The following ERCC3 variants were observed in gnomAD, a reference collection of about 807,000 sequenced individuals.
ERCC3 encodes the protein general transcription and DNA repair factor IIH helicase/translocase subunit XPB.
Under a neutral mutation model 94.2 loss-of-function variants are expected in ERCC3, and 66 were observed. The observed-to-expected ratio is 0.70, with a 90% CI of 0.57 to 0.86. The LOEUF (loss-of-function observed/expected upper bound fraction) is 0.86, where lower values mean the gene tolerates loss of function less well. ERCC3 is among the 40% of genes least tolerant of loss of function. The probability of loss-of-function intolerance (pLI) is 0.00; values close to 1 mark genes in which losing one functional copy is unlikely to be tolerated. For missense variants in ERCC3, 829 were observed against 987.1 expected (o/e 0.84, Z 2.15); for synonymous variants, 349 against 369.1 (o/e 0.95, Z 0.63).
At position 127,267,343 on chromosome 2, in the gene ERCC3, G is replaced by A. The variant is rs374836910; in HGVS notation, c.1945+3993C>T. On this transcript the variant is annotated intron_variant, in intron 12 of 14. Transcript: ENST00000285398. ...TTGTTGAATTGAACCATTTATCATC[G>A]TGTAATGACCTTTTTGTCCTTTTTT... Among the ~76,000 whole-genome samples the A allele has an allele frequency of 5.3e-5, 8 of 151,868 alleles. No individual in the cohort carries two copies. In the East Asian group the frequency reaches 5.8e-4, roughly 11 times the overall value.
At chr2:127,276,199 G>A (rs1054556278) in intron 10 of ERCC3, among the ~76,000 whole-genome samples, 1 of 152,066 alleles carries the variant, frequency 6.6e-6, no homozygotes, top group African/African-American at 2.4e-5. Flanking sequence ...TGAAGAAACC[G>A]TCCAGCCCAA....
Position 127,259,091 on chromosome 2 carries a change from G to GT in ERCC3, c.2217+204dup, listed in dbSNP as rs540498116. Among the ~76,000 whole-genome samples the GT allele has an allele frequency of 5.7e-4, 87 of 152,300 alleles. No homozygotes were observed. In the Middle Eastern group the frequency reaches 0.014, roughly 24 times the overall value. On this transcript the variant is annotated intron_variant, in intron 14 of 14. Coordinates refer to ENST00000285398, the MANE Select transcript of ERCC3 (RefSeq NM_000122.2). This position sits in a 1 kb window ranked among gnomAD's most constrained non-coding sequence, Gnocchi z 4.9. ...AAGCAGGAGACCAGTCACAGCCACT[G>GT]TGAGCTCAGCTGTGTGCAACAGTAC...
At chr2:127,281,829 G>C (rs183762154) in intron 8 of ERCC3, among the ~76,000 whole-genome samples, 18 of 152,138 alleles carry the variant, frequency 1.2e-4, no homozygotes, top group Admixed American at 1.2e-3. Flanking sequence ...TCTAAGGAAA[G>C]ACTGTGCTGG....
At position 127,271,017 on chromosome 2, in the gene ERCC3, T is replaced by TG; in HGVS notation, c.1945+318_1945+319insC. ...CACTTACACTGGTGGCCCAGCTCTG[T>TG]TTTCTCCCTTCCATGTCTACCCCAT... On this transcript the variant is annotated intron_variant, in intron 12 of 14. Transcript: ENST00000285398. The surrounding 1 kb of genome is among the most constrained non-coding windows in gnomAD (Gnocchi z 5.0). 1.3e-5 allele frequency among the ~76,000 whole-genome samples: 2 copies of TG among 152,182 alleles called. 1 individual carries two copies. The highest frequency in any genetic ancestry group is 4.8e-5 in the African/African-American group (2 of 41,450).
intron 7 of ERCC3, among the ~76,000 whole-genome samples, 188 bp from the exon 8 acceptor site, chr2:127,287,205 C>T (rs1460599898): frequency 2.6e-5 from 4 of 152,220 alleles, no homozygotes; most frequent in Non-Finnish European, 5.9e-5. Context: ...GCCCACTTCA[C>T]ATACATATGT....
rs1684552336 is a variant in ERCC3, at chr2:127,271,572, T to C, written c.1828-119A>G. On this transcript the variant is annotated intron_variant, in intron 11 of 14. Coordinates refer to ENST00000285398, the MANE Select transcript of ERCC3 (RefSeq NM_000122.2). This position sits in a 1 kb window ranked among gnomAD's most constrained non-coding sequence, Gnocchi z 5.0. ...CATAATCACTCTTTTCTCCTCTTTA[T>C]ACCAGGGTCTATCTGATGCAGGCAG... 1 of 777,556 alleles carries C rather than the reference T, an allele frequency of 1.3e-6. No individual in the cohort carries two copies. Among genetic ancestry groups the C allele is most frequent in the Non-Finnish European group, 2.2e-6 (1 of 445,072 alleles). 48.2% of individuals were successfully genotyped at this position (777,556 alleles called of 1,614,324 possible).
At chr2:127,272,007 CTTTTTTTTTTT>C (rs59921131) in intron 11 of ERCC3, among the ~76,000 whole-genome samples, 1 of 63,032 alleles carries the variant, frequency 1.6e-5, no homozygotes, top group Non-Finnish European at 2.8e-5. Flanking sequence ...AATCTCATTT[CTTTTTTTTTTT>C]TTTTTTTTTT....
chr2:127,273,988 C>T (rs1275740562), intron 10 of ERCC3, among the ~76,000 whole-genome samples: 1 of 151,206 alleles, frequency 6.6e-6, no homozygotes, highest in Non-Finnish European at 1.5e-5. Flanking sequence ...GACCTACCAA[C>T]ACCAGGCATT....
At chr2:127,281,504 G>A (rs1055120384) in intron 8 of ERCC3, among the ~76,000 whole-genome samples, 2 of 152,016 alleles carry the variant, frequency 1.3e-5, no homozygotes, top group Non-Finnish European at 1.5e-5. Context: ...GGATTTCCAC[G>A]GGCTCACCTT....
At chr2:127,269,515 G>A (rs535794088) in intron 12 of ERCC3, among the ~76,000 whole-genome samples, 21 of 147,422 alleles carry the variant, frequency 1.4e-4, no homozygotes, top group African/African-American at 4.5e-4. Context: ...TCTGCCTCCC[G>A]GGTTCACGCC....
At chr2:127,273,030 GA>G in intron 10 of ERCC3, 69 bp from the exon 11 acceptor site, 9 of 990,908 alleles carry the variant, frequency 9.1e-6, no homozygotes, top group East Asian at 2.4e-5. Flanking sequence ...ACATCAGAGG[GA>G]AAAAGGAGCT....
In ERCC3 at chr2:127,289,586, C is replaced by T. The variant is rs56105591; in HGVS notation, c.658-85G>A. Reference sequence around the variant, plus strand: ...ATGGGTGAAGTTGTAAAGGGTAGAACCAGCAGGGCTGCTAGGTTGTAAGTG... The same window carrying T: ...ATGGGTGAAGTTGTAAAGGGTAGAATCAGCAGGGCTGCTAGGTTGTAAGTG... On this transcript the variant is annotated intron_variant, in intron 5 of 14. Transcript: ENST00000285398. The T allele has an allele frequency of 1.1e-4, 169 of 1,602,366 alleles. 1 individual carries two copies. In the African/African-American group the frequency reaches 2.0e-3, roughly 19 times the overall value.
intron 2 of ERCC3, among the ~76,000 whole-genome samples, 183 bp downstream of exon 2, chr2:127,293,330 G>A (rs957723728): frequency 7.2e-5 from 11 of 152,266 alleles, no homozygotes; most frequent in South Asian, 2.1e-4. Context: ...AGGTCCGGCC[G>A]CCACACGTGT....
intron 8 of ERCC3, 27 bp downstream of exon 8, chr2:127,286,676 T>C (rs748634245): frequency 1.9e-6 from 3 of 1,609,732 alleles, no homozygotes; most frequent in Non-Finnish European, 2.6e-6. Context: ...GTTCAGCAAG[T>C]GGACAGCTCA....
rs1207731792 is a variant in ERCC3 at position 127,289,341 on chromosome 2, T to C, written c.818A>G (p.Lys273Arg). 1 of 1,613,836 alleles carries C rather than the reference T, an allele frequency of 6.2e-7. No homozygotes were observed. The highest frequency in any genetic ancestry group is 8.5e-7 in the Non-Finnish European group (1 of 1,180,002). ...GAGGAAGGTACATTCACTAACCTGC[T>C]TGACTTCAAAAGACACTGTCTGTGT... ...EETQTVSFEV[K>R]QEMIEELQKR... is the part of the protein sequence containing the mutation. The change falls in exon 6 of 15, where the codon AAG becomes AGG. Residue 273 changes from lysine (K) to arginine (R), a missense_variant. Physicochemically the swap from Lys to Arg is conservative, Grantham distance 26. Coordinates refer to ENST00000285398, the MANE Select transcript of ERCC3 (RefSeq NM_000122.2).
At chr2:127,287,105 T>C in intron 7 of ERCC3, 88 bp from the exon 8 acceptor site, 2 of 1,006,236 alleles carry the variant, frequency 2.0e-6, no homozygotes, top group South Asian at 2.7e-5. Flanking sequence ...TACAGCAATC[T>C]AGGAAAATGT....
chr2:127,257,444 G>A lies in ERCC3; in HGVS notation c.*152C>T, dbSNP rs1256274610. 3.1e-6 allele frequency: 3 copies of A among 958,026 alleles called. No homozygotes were observed. The highest frequency in any genetic ancestry group is 4.8e-5 in the East Asian group (2 of 41,656). The allele number at this position is 958,026 out of a possible 1,614,324, so 59.3% of individuals were successfully genotyped here. On this transcript the variant is annotated 3_prime_UTR_variant, in exon 15 of 15. Transcript: ENST00000285398. The surrounding 1 kb of genome is among the most constrained non-coding windows in gnomAD (Gnocchi z 5.4). ...TATAAAACCCTAGATGACCTATGAA[G>A]GCACAGCCAAGCCCTTGATGCATCT...
chr2:127,288,877 C>G lies in ERCC3; in HGVS notation c.823-13G>C. ...CCTCAATCATTTCCTGGAAAGAGGG[C>G]ACAAAAGGGGTTTTAAAATCTTGTT... On this transcript the variant is annotated splice_polypyrimidine_tract_variant and intron_variant, in intron 6 of 14. Coordinates refer to ENST00000285398, the MANE Select transcript of ERCC3 (RefSeq NM_000122.2). The G allele has an allele frequency of 6.2e-7, 1 of 1,604,272 alleles. No homozygotes were observed. Among genetic ancestry groups the G allele is most frequent in the African/African-American group, 1.3e-5 (1 of 74,780 alleles).
chr2:127,285,316 T>C (rs180925076), intron 8 of ERCC3, among the ~76,000 whole-genome samples: 7 of 152,280 alleles, frequency 4.6e-5, no homozygotes, highest in Non-Finnish European at 1.5e-5. Context: ...TCCCAGTACT[T>C]TGGGAGGCCC....
Sources: allele counts gnomAD v4.1 joint callset (sites outside exome capture counted in the v4.1 genomes callset), GRCh38; gene constraint gnomAD v4.1.1; non-coding constraint Gnocchi (gnomAD v3.1); transcripts MANE v1.5; gene names NCBI Gene and HGNC (gene_info 2026-07-23, HGNC 2026-07-21).